CSTPP1: variants seen among roughly 807,000 people sequenced by gnomAD.
The protein encoded by CSTPP1 is UPF0705 protein C11orf49.
At chr11:47,161,670 G>A in the CSTPP1 span, 2 of 1,574,098 alleles carry the variant, frequency 1.3e-6, no homozygotes, top group Non-Finnish European at 8.6e-7. Context: ...ACAGCGCCCT[G>A]TACCTGCTCC....
At chr11:47,100,834 A>G in the CSTPP1 span, among the ~76,000 whole-genome samples, 1 of 151,046 alleles carries the variant, frequency 6.6e-6, no homozygotes, top group East Asian at 1.9e-4. Flanking sequence ...CTGGGTTCCT[A>G]AGCAGTATTA....
the CSTPP1 span, among the ~76,000 whole-genome samples, chr11:47,100,969 T>C: frequency 6.6e-6 from 1 of 151,812 alleles, no homozygotes; most frequent in African/African-American, 2.4e-5. Flanking sequence ...AGTCACTCTT[T>C]AGAATAAATA....
chr11:46,996,667 T>C, the CSTPP1 span, among the ~76,000 whole-genome samples: 1 of 152,214 alleles, frequency 6.6e-6, no homozygotes, highest in African/African-American at 2.4e-5. Flanking sequence ...GCATTGATGG[T>C]CTTTACAATT....
the CSTPP1 span, among the ~76,000 whole-genome samples, chr11:46,979,862 G>A: frequency 1.3e-5 from 2 of 152,090 alleles, no homozygotes; most frequent in South Asian, 4.1e-4. Context: ...GCAGTGAGCC[G>A]CGATCACGCC....
chr11:47,064,941 A>C, the CSTPP1 span, among the ~76,000 whole-genome samples: 5 of 152,110 alleles, frequency 3.3e-5, no homozygotes, highest in Non-Finnish European at 5.9e-5. Flanking sequence ...ACGGGGTTTC[A>C]TCATTTTGGT....
At chr11:47,011,669 A>G in the CSTPP1 span, among the ~76,000 whole-genome samples, 2 of 152,172 alleles carry the variant, frequency 1.3e-5, no homozygotes, top group Non-Finnish European at 2.9e-5. Flanking sequence ...CTTGTCTTTT[A>G]TGGCTTTTTA....
chr11:46,954,434 G>A, the CSTPP1 span, among the ~76,000 whole-genome samples: 4 of 152,024 alleles, frequency 2.6e-5, no homozygotes, highest in Admixed American at 2.0e-4. Context: ...CTATAATTCC[G>A]GCTACCCTGG....
the CSTPP1 span, among the ~76,000 whole-genome samples, chr11:47,032,362 G>T: frequency 2.6e-5 from 4 of 152,182 alleles, no homozygotes; most frequent in African/African-American, 9.6e-5. Context: ...ATGCAAATGG[G>T]AGGGCTTAAT....
the CSTPP1 span, among the ~76,000 whole-genome samples, chr11:46,951,206 T>TC: frequency 6.6e-6 from 1 of 152,266 alleles, no homozygotes; most frequent in East Asian, 1.9e-4. Context: ...CTAAGAGCCT[T>TC]CTTTCCCATT....
the CSTPP1 span, among the ~76,000 whole-genome samples, chr11:47,069,473 A>G: frequency 6.6e-6 from 1 of 152,228 alleles, no homozygotes; most frequent in Non-Finnish European, 1.5e-5. Context: ...TGTTTTACAG[A>G]TGAAGGTAAA....
At chr11:47,147,110 G>A in the CSTPP1 span, among the ~76,000 whole-genome samples, 1 of 152,184 alleles carries the variant, frequency 6.6e-6, no homozygotes, top group Non-Finnish European at 1.5e-5. Flanking sequence ...CTGTAATGCT[G>A]CATTTTACAA....
chr11:47,060,264 T>C, the CSTPP1 span, among the ~76,000 whole-genome samples: 88 of 143,406 alleles, frequency 6.1e-4, no homozygotes, highest in South Asian at 2.5e-3. Flanking sequence ...TTTTCTTTTT[T>C]TTTTTTTTTT....
chr11:47,076,052 A>C, the CSTPP1 span, among the ~76,000 whole-genome samples: 3 of 151,908 alleles, frequency 2.0e-5, no homozygotes, highest in Non-Finnish European at 4.4e-5. Flanking sequence ...AGATCCCCAG[A>C]TCCCTCCCCC....
At chr11:47,101,164 ATTTTTTTTT>A in the CSTPP1 span, among the ~76,000 whole-genome samples, 1 of 30,374 alleles carries the variant, frequency 3.3e-5, no homozygotes, top group African/African-American at 1.8e-4. Flanking sequence ...ACACCGGCTA[ATTTTTTTTT>A]TTTTTTTTTT....
chr11:47,047,589 C>T, the CSTPP1 span, among the ~76,000 whole-genome samples: 3 of 152,140 alleles, frequency 2.0e-5, no homozygotes, highest in East Asian at 5.8e-4. Flanking sequence ...GGACAGTTTT[C>T]ATAACATTAA....
the CSTPP1 span, among the ~76,000 whole-genome samples, chr11:47,143,638 T>C: frequency 6.6e-6 from 1 of 152,182 alleles, no homozygotes; most frequent in African/African-American, 2.4e-5. Context: ...ACCTCACATA[T>C]TCCTGCAGCA....
At chr11:46,967,413 A>G in the CSTPP1 span, among the ~76,000 whole-genome samples, 1 of 152,188 alleles carries the variant, frequency 6.6e-6, no homozygotes, top group Non-Finnish European at 1.5e-5. Flanking sequence ...CCATCATTGT[A>G]TATATGTATC....
the CSTPP1 span, among the ~76,000 whole-genome samples, chr11:47,133,302 C>A: frequency 1.6e-4 from 25 of 152,336 alleles, no homozygotes; most frequent in African/African-American, 6.0e-4. Context: ...CAAAAGGAGA[C>A]ACACAAATTT....
At chr11:47,108,423 T>C in the CSTPP1 span, among the ~76,000 whole-genome samples, 6 of 152,332 alleles carry the variant, frequency 3.9e-5, no homozygotes, top group Non-Finnish European at 5.9e-5. Context: ...GCCTGATTTC[T>C]TCTGTGAAGT....
Sources: gnomAD v4.1 joint callset for allele counts (sites outside exome capture counted in the v4.1 genomes callset) on GRCh38, gnomAD v4.1.1 for gene constraint, MANE v1.5 for transcripts, NCBI Gene and HGNC (gene_info 2026-07-23, HGNC 2026-07-21) for gene names.